TENT5D: variants seen among roughly 807,000 people sequenced by gnomAD.
TENT5D encodes terminal nucleotidyltransferase 5D, also known as cancer/testis antigen 112.
For synonymous variants in TENT5D, 103 were observed against 100.6 expected (o/e 1.02, Z -0.15); for missense variants, 191 against 287.0 (o/e 0.67, Z 2.42).
chrX:80,338,059 C>CTT (rs1184354829), intron 2 of TENT5D, among the ~76,000 whole-genome samples: 1 of 112,425 alleles, frequency 8.9e-6, no homozygotes, highest in Non-Finnish European at 1.9e-5. Flanking sequence ...TAATTTTCCT[C>CTT]TTTCACTGTA....
intron 2 of TENT5D, among the ~76,000 whole-genome samples, chrX:80,441,515 TGGAAGTCAGGA>T (rs1932281931): frequency 9.0e-6 from 1 of 111,328 alleles, no homozygotes; most frequent in South Asian, 3.7e-4. Context: ...TTTTTATTTC[TGGAAGTCAGGA>T]ACAAATGCCT....
At chrX:80,340,213 G>A (rs1929932877) in intron 2 of TENT5D, among the ~76,000 whole-genome samples, 1 of 109,819 alleles carries the variant, frequency 9.1e-6, no homozygotes, top group African/African-American at 3.3e-5. Flanking sequence ...TACTATCCAA[G>A]AGCTGTTTGA....
chrX:80,416,484 A>C (rs1426980627), upstream of TENT5D, among the ~76,000 whole-genome samples: 2 of 106,792 alleles, frequency 1.9e-5, no homozygotes, highest in Non-Finnish European at 3.8e-5. Flanking sequence ...GGATTCTGGT[A>C]TGTTGTCCCT....
intron 3 of TENT5D, among the ~76,000 whole-genome samples, chrX:80,350,313 T>C (rs926577595): frequency 8.9e-6 from 1 of 111,943 alleles, no homozygotes; most frequent in Non-Finnish European, 1.9e-5. Flanking sequence ...AGAACTTGTT[T>C]TATGAATCCA....
chrX:80,401,045 C>T (rs1931381103), intron 3 of TENT5D, among the ~76,000 whole-genome samples: 3 of 111,811 alleles, frequency 2.7e-5, no homozygotes, highest in East Asian at 2.8e-4. Context: ...TTTAAATCCA[C>T]GAATGTAAGC....
intron 3 of TENT5D, among the ~76,000 whole-genome samples, chrX:80,367,427 G>C (rs1280023600): frequency 9.0e-6 from 1 of 111,253 alleles, no homozygotes; most frequent in African/African-American, 3.3e-5. Context: ...TATGGAAATG[G>C]TTTGGAGGTT....
At chrX:80,434,196 T>A (rs1384649312) in intron 1 of TENT5D, among the ~76,000 whole-genome samples, 1 of 94,308 alleles carries the variant, frequency 1.1e-5, no homozygotes, top group Non-Finnish European at 2.1e-5. Flanking sequence ...TTAAAAGAGA[T>A]GATCATAAAG....
At chrX:80,439,066 G>T (rs1418981492) in intron 2 of TENT5D, among the ~76,000 whole-genome samples, 1 of 111,271 alleles carries the variant, frequency 9.0e-6, no homozygotes, top group Non-Finnish European at 1.9e-5. Flanking sequence ...TTAGCTTAAA[G>T]GATAAGTATA....
At chrX:80,370,312 T>TA (rs997518740) in intron 3 of TENT5D, among the ~76,000 whole-genome samples, 1 of 111,552 alleles carries the variant, frequency 9.0e-6, no homozygotes, top group African/African-American at 3.3e-5. Context: ...TCTGATGTGA[T>TA]ACGCTACAAT....
chrX:80,432,811 A>C (rs961064996), intron 1 of TENT5D, among the ~76,000 whole-genome samples: 1 of 110,584 alleles, frequency 9.0e-6, no homozygotes, highest in Non-Finnish European at 1.9e-5. Flanking sequence ...GGGGTGCCCA[A>C]ATTGGTTGCC....
chrX:80,385,232 C>T (rs1041246923), intron 3 of TENT5D, among the ~76,000 whole-genome samples: 2 of 110,987 alleles, frequency 1.8e-5, no homozygotes, highest in African/African-American at 3.3e-5. Flanking sequence ...AGATATAGAC[C>T]GATGGAAAAG....
At chrX:80,418,971 A>G (rs972971890), upstream of TENT5D, among the ~76,000 whole-genome samples, 1 of 111,225 alleles carries the variant, frequency 9.0e-6, no homozygotes, top group Non-Finnish European at 1.9e-5. Context: ...TTTGTTCATC[A>G]TGTCCATTTT....
intron 3 of TENT5D, among the ~76,000 whole-genome samples, chrX:80,380,443 T>G (rs888385053): frequency 3.6e-5 from 4 of 111,147 alleles, no homozygotes; most frequent in Non-Finnish European, 3.8e-5. Flanking sequence ...CTGTTGATTT[T>G]TGGTGGAGAG....
chrX:80,398,918 G>A (rs188243808), intron 3 of TENT5D, among the ~76,000 whole-genome samples: 37 of 111,457 alleles, frequency 3.3e-4, no homozygotes, highest in East Asian at 5.7e-4. Flanking sequence ...AAATAACAAC[G>A]TTGCATGTAT....
chrX:80,421,211 G>A lies in TENT5D; in HGVS notation c.-142+648G>A, dbSNP rs183212696. On this transcript the variant is annotated intron_variant, in intron 1 of 2. Coordinates refer to ENST00000308293, the Ensembl canonical transcript of TENT5D. Reference sequence around the variant, plus strand: ...TGTTTGTTTGTTTGTTTTTTAGATGGGGTCTCACTCTGTCACTAGGCTAGA... The same window carrying A: ...TGTTTGTTTGTTTGTTTTTTAGATGAGGTCTCACTCTGTCACTAGGCTAGA... Among the ~76,000 whole-genome samples, 95 of 110,754 alleles carry A rather than the reference G, an allele frequency of 8.6e-4. 1 individual carries two copies. The highest frequency in any genetic ancestry group is 1.9e-3 in the Admixed American group (20 of 10,390).
At chrX:80,379,370 T>TTG (rs1217146349) in intron 3 of TENT5D, among the ~76,000 whole-genome samples, 4 of 110,807 alleles carry the variant, frequency 3.6e-5, no homozygotes, top group African/African-American at 1.3e-4. Context: ...TTGAGGATTT[T>TTG]CATATCGCTA....
intron 3 of TENT5D, among the ~76,000 whole-genome samples, chrX:80,379,787 G>A (rs895019692): frequency 3.6e-5 from 4 of 110,743 alleles, no homozygotes; most frequent in Non-Finnish European, 7.5e-5. Context: ...TTGTATTTCT[G>A]TGGGATCTGT....
chrX:80,397,949 G>C (rs1321420325), intron 3 of TENT5D, among the ~76,000 whole-genome samples: 3 of 108,052 alleles, frequency 2.8e-5, no homozygotes, highest in African/African-American at 9.9e-5. Context: ...CCGTGGGAGA[G>C]GGCGAGGGAG....
At chrX:80,385,506 G>A (rs1436357703) in intron 3 of TENT5D, among the ~76,000 whole-genome samples, 1 of 111,843 alleles carries the variant, frequency 8.9e-6, no homozygotes, top group African/African-American at 3.3e-5. Context: ...CAGGACATAG[G>A]CATGGGCAAG....
Sources: allele counts gnomAD v4.1 joint callset (sites outside exome capture counted in the v4.1 genomes callset), GRCh38; gene constraint gnomAD v4.1.1; transcripts MANE v1.5; gene names NCBI Gene and HGNC (gene_info 2026-07-23, HGNC 2026-07-21).